The following ANKS1B variants were observed in gnomAD, a reference collection of about 807,000 sequenced individuals.
ANKS1B encodes ankyrin repeat and sterile alpha motif domain containing 1B, also known as ankyrin repeat and sterile alpha motif domain-containing protein 1B.
ANKS1B carries 36 observed loss-of-function variants against 148.3 expected under a neutral mutation model. The ratio of observed to expected loss-of-function variants is 0.24; its 90% CI spans 0.19 to 0.32. The LOEUF (loss-of-function observed/expected upper bound fraction) is 0.32, where lower values mean the gene tolerates loss of function less well. Ranked by LOEUF, ANKS1B falls within the 10% of genes least tolerant of loss-of-function variation. ANKS1B has a pLI of 1.00. For synonymous variants in ANKS1B, 542 were observed against 560.8 expected, an observed-to-expected ratio of 0.97 and a Z score of 0.47; for missense variants, 1,157 against 1,542.6, an observed-to-expected ratio of 0.75 and a Z score of 4.19.
At chr12:99,431,660 A>G (rs116952117) in intron 11 of ANKS1B, among the ~76,000 whole-genome samples, 1 of 152,226 alleles carries the variant, frequency 6.6e-6, no homozygotes, top group Admixed American at 6.5e-5. Context: ...TAATCCATAG[A>G]TATTAGGACA....
intron 9 of ANKS1B, among the ~76,000 whole-genome samples, chr12:99,591,253 G>A (rs184181744): frequency 3.3e-5 from 5 of 151,710 alleles, no homozygotes; most frequent in African/African-American, 9.7e-5. Flanking sequence ...AATTTATCTC[G>A]TTCGATAAAA....
chr12:98,920,381 C>A (rs1185909154), intron 17 of ANKS1B, among the ~76,000 whole-genome samples: 2 of 152,148 alleles, frequency 1.3e-5, no homozygotes, highest in Non-Finnish European at 2.9e-5. Flanking sequence ...CTGATAAAGA[C>A]ATACCTGAGA....
At chr12:98,860,664 G>A (rs1232657261) in intron 17 of ANKS1B, among the ~76,000 whole-genome samples, 1 of 152,122 alleles carries the variant, frequency 6.6e-6, no homozygotes, top group Non-Finnish European at 1.5e-5. Context: ...TGAGGATACT[G>A]GTTTCCAGCT....
intron 8 of ANKS1B, among the ~76,000 whole-genome samples, chr12:99,726,985 T>C (rs147289257): frequency 1.4e-3 from 211 of 152,278 alleles, no homozygotes; most frequent in African/African-American, 4.9e-3. Context: ...TGATGGAACA[T>C]ATCTCAAAAT....
intron 9 of ANKS1B, among the ~76,000 whole-genome samples, chr12:99,641,918 C>A (rs1287714020): frequency 2.0e-5 from 3 of 151,940 alleles, no homozygotes; most frequent in Non-Finnish European, 1.5e-5. Context: ...AATAGATATG[C>A]AAACTATAAA....
At chr12:99,286,473 C>G (rs1260709756) in intron 12 of ANKS1B, among the ~76,000 whole-genome samples, 1 of 152,024 alleles carries the variant, frequency 6.6e-6, no homozygotes, top group African/African-American at 2.4e-5. Flanking sequence ...TGACTGAGTG[C>G]ATTCCCAGCA....
At chr12:98,974,731 C>G (rs1408361832) in intron 17 of ANKS1B, among the ~76,000 whole-genome samples, 1 of 152,110 alleles carries the variant, frequency 6.6e-6, no homozygotes, top group Non-Finnish European at 1.5e-5. Context: ...ATGGAGTTAA[C>G]TCAGGAAGCC....
At chr12:99,756,016 C>G (rs750347522) in intron 8 of ANKS1B, among the ~76,000 whole-genome samples, 4 of 152,064 alleles carry the variant, frequency 2.6e-5, no homozygotes, top group Non-Finnish European at 5.9e-5. Context: ...TGGGGGTGTT[C>G]CCACTGAAAA....
chr12:99,651,837 A>G (rs2098421527), intron 9 of ANKS1B, among the ~76,000 whole-genome samples: 1 of 151,998 alleles, frequency 6.6e-6, no homozygotes, highest in Non-Finnish European at 1.5e-5. Flanking sequence ...AATGGTTGAG[A>G]ATGGTTGAAT....
intron 11 of ANKS1B, among the ~76,000 whole-genome samples, chr12:99,408,969 A>G (rs1423139517): frequency 6.6e-6 from 1 of 151,944 alleles, no homozygotes; most frequent in African/African-American, 2.4e-5. Flanking sequence ...ATAACTAGAA[A>G]TAGAACTACC....
At position 99,881,316 on chromosome 12, in the gene ANKS1B, A is replaced by G. The variant is rs187781921; in HGVS notation, c.135-55927T>C. On this transcript the variant is annotated intron_variant, in intron 1 of 26. Transcript: ENST00000683438. Reference sequence around the variant, plus strand: ...TCTTTCATGCCTCAGTCTCCAGGCCATCCTGTGGCAGTGGCAGCAGCAACA... The same window carrying G: ...TCTTTCATGCCTCAGTCTCCAGGCCGTCCTGTGGCAGTGGCAGCAGCAACA... 2.0e-5 allele frequency among the ~76,000 whole-genome samples: 3 copies of G among 152,322 alleles called. No individual in the cohort carries two copies. In the East Asian group the frequency reaches 5.8e-4, roughly 29 times the overall value.
chr12:99,182,945 CAT>C (rs2079305024), intron 14 of ANKS1B, among the ~76,000 whole-genome samples: 1 of 152,056 alleles, frequency 6.6e-6, no homozygotes, highest in East Asian at 1.9e-4. Context: ...GTCTCTTTGC[CAT>C]ATATATGTCT....
At chr12:99,416,990 T>C (rs899929859) in intron 11 of ANKS1B, among the ~76,000 whole-genome samples, 1 of 152,182 alleles carries the variant, frequency 6.6e-6, no homozygotes, top group African/African-American at 2.4e-5. Flanking sequence ...TCAGGCCCCC[T>C]CTGATTTGGG....
In ANKS1B at chr12:99,534,562, CATA is replaced by C. The variant is rs372667458; in HGVS notation, c.1273-29924_1273-29922del. Among the ~76,000 whole-genome samples the C allele has an allele frequency of 1.5e-3, 230 of 152,216 alleles. 2 individuals are homozygous for C. Among genetic ancestry groups the C allele is most frequent in the African/African-American group, 5.3e-3 (221 of 41,512 alleles). ...AGGCTGTGAAATTGTCATTTCTACACATAATAATTAAACACCATTAATGGAAAC... is the reference window on the plus strand; with the variant it reads ...AGGCTGTGAAATTGTCATTTCTACACATAATTAAACACCATTAATGGAAAC... On this transcript the variant is annotated intron_variant, in intron 9 of 26. Transcript: ENST00000683438.
At chr12:99,325,303 T>C (rs529949638) in intron 12 of ANKS1B, among the ~76,000 whole-genome samples, 32 of 152,174 alleles carry the variant, frequency 2.1e-4, no homozygotes, top group Admixed American at 2.6e-4. Context: ...AGAACAAACA[T>C]TGAATTTACA....
intron 12 of ANKS1B, among the ~76,000 whole-genome samples, chr12:99,364,858 G>T (rs2152442643): frequency 6.6e-6 from 1 of 152,288 alleles, no homozygotes; most frequent in South Asian, 2.1e-4. Flanking sequence ...TGCCACCAAT[G>T]AGGAAGATAG....
At chr12:99,924,051 T>C (rs1401262853) in intron 1 of ANKS1B, among the ~76,000 whole-genome samples, 1 of 152,218 alleles carries the variant, frequency 6.6e-6, no homozygotes, top group Non-Finnish European at 1.5e-5. Context: ...ATTTTATACC[T>C]GTGGCAAGTA....
At chr12:98,845,003 T>C (rs1436600863) in intron 17 of ANKS1B, among the ~76,000 whole-genome samples, 3 of 152,168 alleles carry the variant, frequency 2.0e-5, no homozygotes, top group African/African-American at 4.8e-5. Flanking sequence ...AAATCAATTG[T>C]TCAAGTTCAA....
downstream of ANKS1B, among the ~76,000 whole-genome samples, chr12:98,739,433 G>A (rs1310032354): frequency 8.5e-5 from 13 of 152,228 alleles, no homozygotes. Context: ...TGGGGGGAAT[G>A]CGTTGGATTT....
Sources: allele counts gnomAD v4.1 joint callset (sites outside exome capture counted in the v4.1 genomes callset), GRCh38; gene constraint gnomAD v4.1.1; transcripts MANE v1.5; gene names NCBI Gene and HGNC (gene_info 2026-07-23, HGNC 2026-07-21).